The following PIP4K2A variants were observed in gnomAD, a reference collection of about 807,000 sequenced individuals.
PIP4K2A encodes the protein phosphatidylinositol-5-phosphate 4-kinase type 2 alpha.
A neutral mutation model predicts 42.9 loss-of-function variants in PIP4K2A; 14 were observed. The ratio of observed to expected loss-of-function variants is 0.33; its 90% CI spans 0.22 to 0.51. The LOEUF (loss-of-function observed/expected upper bound fraction) is 0.51, where lower values mean the gene tolerates loss of function less well. PIP4K2A is among the 20% of genes least tolerant of loss of function. The pLI, the probability that PIP4K2A is intolerant of heterozygous loss-of-function variation, is 0.97. For missense variants in PIP4K2A, 434 were observed against 519.8 expected, an observed-to-expected ratio of 0.83 and a Z score of 1.61; for synonymous variants, 192 against 192.2, an observed-to-expected ratio of 1.00 and a Z score of 0.01.
intron 3 of PIP4K2A, among the ~76,000 whole-genome samples, chr10:22,593,808 G>C (rs1467439132): frequency 6.6e-6 from 1 of 152,194 alleles, no homozygotes; most frequent in Non-Finnish European, 1.5e-5. Flanking sequence ...AGACCAAGTG[G>C]AACAGACCTT....
intron 3 of PIP4K2A, among the ~76,000 whole-genome samples, chr10:22,606,388 C>G (rs1837908026): frequency 6.6e-6 from 1 of 152,188 alleles, no homozygotes; most frequent in Non-Finnish European, 1.5e-5. Context: ...CCACATCCTT[C>G]CTGTCCCACT....
intron 1 of PIP4K2A, among the ~76,000 whole-genome samples, chr10:22,677,652 A>G (rs527661890): frequency 3.3e-5 from 5 of 152,348 alleles, no homozygotes; most frequent in African/African-American, 9.6e-5. Flanking sequence ...GTTTCCCTCA[A>G]TAAAAAGGTA....
intron 6 of PIP4K2A, among the ~76,000 whole-genome samples, chr10:22,553,814 A>T (rs999714368): frequency 1.9e-3 from 212 of 112,912 alleles, no homozygotes; most frequent in African/African-American, 5.8e-3. Flanking sequence ...TTTTTTTTTT[A>T]CAAAAACTTA....
chr10:22,576,739 C>T (rs1026727563), intron 4 of PIP4K2A, among the ~76,000 whole-genome samples: 13 of 152,134 alleles, frequency 8.5e-5, no homozygotes, highest in African/African-American at 3.1e-4. Context: ...GAACCTTTTC[C>T]ATTTTTATTA....
chr10:22,559,107 A>C (rs983558241), intron 6 of PIP4K2A, among the ~76,000 whole-genome samples: 1 of 152,208 alleles, frequency 6.6e-6, no homozygotes, highest in East Asian at 1.9e-4. Context: ...GCAGATATCT[A>C]TGGTGATAAT....
intron 1 of PIP4K2A, among the ~76,000 whole-genome samples, chr10:22,676,884 A>G (rs1322210176): frequency 6.6e-6 from 1 of 152,212 alleles, no homozygotes; most frequent in East Asian, 1.9e-4. Context: ...GAGGGATGGC[A>G]AGAGCTGAAT....
intron 1 of PIP4K2A, 79 bp downstream of exon 1, chr10:22,714,104 G>C: frequency 1.4e-6 from 2 of 1,403,594 alleles, no homozygotes; most frequent in Non-Finnish European, 1.9e-6. Flanking sequence ...CCCCGCAGCA[G>C]CTGCAGCCGG....
chr10:22,657,391 TC>T (rs943835715), intron 1 of PIP4K2A, among the ~76,000 whole-genome samples: 3 of 152,220 alleles, frequency 2.0e-5, no homozygotes, highest in Non-Finnish European at 4.4e-5. Context: ...CAAAAGGTAT[TC>T]CATATTTCAA....
chr10:22,708,791 T>C (rs1344175520), intron 1 of PIP4K2A, among the ~76,000 whole-genome samples: 3 of 152,204 alleles, frequency 2.0e-5, no homozygotes, highest in Non-Finnish European at 4.4e-5. Context: ...TAATTTTTAT[T>C]GTTTCACATT....
chr10:22,709,370 C>T (rs1248712140), intron 1 of PIP4K2A, among the ~76,000 whole-genome samples: 2 of 152,158 alleles, frequency 1.3e-5, no homozygotes, highest in Non-Finnish European at 2.9e-5. Flanking sequence ...AAATCACCTG[C>T]TCAAAGAGCC....
At chr10:22,678,099 G>A (rs553683654) in intron 1 of PIP4K2A, among the ~76,000 whole-genome samples, 1 of 152,156 alleles carries the variant, frequency 6.6e-6, no homozygotes, top group South Asian at 2.1e-4. Context: ...CATGAGGAAT[G>A]AATGATATAA....
intron 1 of PIP4K2A, among the ~76,000 whole-genome samples, chr10:22,635,218 G>C (rs543322506): frequency 6.6e-6 from 1 of 152,104 alleles, no homozygotes; most frequent in African/African-American, 2.4e-5. Context: ...ACAACACAGA[G>C]AGAACCCTAA....
chr10:22,627,947 G>T (rs1424686247), intron 1 of PIP4K2A, among the ~76,000 whole-genome samples: 1 of 152,040 alleles, frequency 6.6e-6, no homozygotes, highest in African/African-American at 2.4e-5. Flanking sequence ...TTAAGGGTGG[G>T]GACTAGATCT....
intron 4 of PIP4K2A, among the ~76,000 whole-genome samples, chr10:22,577,713 G>T (rs370442594): frequency 7.9e-5 from 12 of 152,280 alleles, no homozygotes; most frequent in African/African-American, 2.9e-4. Flanking sequence ...ACACTGCGAC[G>T]CATCTTGTCG....
At chr10:22,688,359 A>G (rs1396000968) in intron 1 of PIP4K2A, among the ~76,000 whole-genome samples, 1 of 152,228 alleles carries the variant, frequency 6.6e-6, no homozygotes, top group African/African-American at 2.4e-5. Flanking sequence ...TGTCTGGCAC[A>G]AAGTTAAGAA....
chr10:22,541,444 GTTA>G (rs1280677874), intron 8 of PIP4K2A, among the ~76,000 whole-genome samples: 1 of 152,190 alleles, frequency 6.6e-6, no homozygotes, highest in African/African-American at 2.4e-5. Flanking sequence ...CATTTCTGAT[GTTA>G]TTTGTGAACA....
At chr10:22,661,489 T>A (rs761887074) in intron 1 of PIP4K2A, among the ~76,000 whole-genome samples, 3 of 152,036 alleles carry the variant, frequency 2.0e-5, no homozygotes, top group Non-Finnish European at 4.4e-5. Flanking sequence ...TCTGGGTAGC[T>A]GGACCACAGG....
At chr10:22,699,717 C>A (rs1261414068) in intron 1 of PIP4K2A, among the ~76,000 whole-genome samples, 1 of 152,118 alleles carries the variant, frequency 6.6e-6, no homozygotes, top group African/African-American at 2.4e-5. Context: ...AAACTTGCAG[C>A]CTGGGCATAT....
At chr10:22,556,999 C>G (rs752830488) in intron 6 of PIP4K2A, among the ~76,000 whole-genome samples, 2 of 152,148 alleles carry the variant, frequency 1.3e-5, no homozygotes, top group Non-Finnish European at 2.9e-5. Context: ...GTGAGATGCA[C>G]ACTCAGCTGA....
Sources: allele counts gnomAD v4.1 joint callset (sites outside exome capture counted in the v4.1 genomes callset), GRCh38; gene constraint gnomAD v4.1.1; transcripts MANE v1.5; gene names NCBI Gene and HGNC (gene_info 2026-07-23, HGNC 2026-07-21).